The following TMC1 variants were observed in gnomAD, a reference collection of about 807,000 sequenced individuals.
TMC1 encodes the protein transmembrane channel like 1, also known as transmembrane channel-like protein 1.
In TMC1, 84 loss-of-function variants were observed where a neutral mutation model predicts 105.8. The ratio of observed to expected loss-of-function variants is 0.79; its 90% confidence interval spans 0.67 to 0.95. The LOEUF (loss-of-function observed/expected upper bound fraction) is 0.95. Among genes scored for constraint, TMC1 ranks in the 40% least tolerant of loss-of-function variants. The pLI is 0.00. For missense variants in TMC1, 817 were observed against 914.1 expected (o/e 0.89, Z 1.37); for synonymous variants, 315 against 311.5 (o/e 1.01, Z -0.12).
intron 5 of TMC1, among the ~76,000 whole-genome samples, chr9:72,650,383 G>A (rs1389984429): frequency 1.3e-5 from 2 of 152,136 alleles, no homozygotes; most frequent in East Asian, 1.9e-4. Flanking sequence ...TTATGTGCCA[G>A]GTTCTGTACA....
intron 1 of TMC1, among the ~76,000 whole-genome samples, chr9:72,539,105 G>A (rs1243389909): frequency 1.3e-5 from 2 of 152,028 alleles, no homozygotes; most frequent in Non-Finnish European, 2.9e-5. Flanking sequence ...CTGCTGCTGG[G>A]CATGGTGACT....
At chr9:72,544,767 A>G (rs1183886900) in intron 1 of TMC1, among the ~76,000 whole-genome samples, 1 of 145,378 alleles carries the variant, frequency 6.9e-6, no homozygotes, top group South Asian at 2.2e-4. Flanking sequence ...GGCATGAGCC[A>G]GCGCTCCCAG....
At chr9:72,726,554 C>T (rs540734240) in intron 8 of TMC1, among the ~76,000 whole-genome samples, 1 of 152,098 alleles carries the variant, frequency 6.6e-6, no homozygotes, top group African/African-American at 2.4e-5. Context: ...GCTGTGTTCC[C>T]CAATTGCTTA....
chr9:72,675,086 CATGCACACACACACAT>C (rs912077946), intron 5 of TMC1, among the ~76,000 whole-genome samples: 2 of 152,140 alleles, frequency 1.3e-5, no homozygotes, highest in Non-Finnish European at 1.5e-5. Flanking sequence ...TTCTCTCTCT[CATGCACACACACACAT>C]ATGCACACAT....
chr9:72,559,287 G>A (rs1468355611), intron 1 of TMC1, among the ~76,000 whole-genome samples: 3 of 152,042 alleles, frequency 2.0e-5, no homozygotes, highest in Non-Finnish European at 4.4e-5. Flanking sequence ...GTACAGATGG[G>A]TTTTCACCAT....
intron 20 of TMC1, 42 bp downstream of exon 20, chr9:72,821,123 C>T (rs760552145): frequency 8.7e-6 from 14 of 1,613,560 alleles, no homozygotes; most frequent in Admixed American, 3.3e-5. Flanking sequence ...CGTGTTCTTT[C>T]GGGGGTGGAG....
chr9:72,702,148 A>G (rs532225900), intron 8 of TMC1, among the ~76,000 whole-genome samples: 124 of 152,308 alleles, frequency 8.1e-4, no homozygotes, highest in African/African-American at 2.4e-3. Flanking sequence ...AATGACCCAT[A>G]AAGTCCCCAA....
At chr9:72,709,292 A>G (rs1182114030) in intron 8 of TMC1, among the ~76,000 whole-genome samples, 2 of 152,066 alleles carry the variant, frequency 1.3e-5, no homozygotes, top group Non-Finnish European at 2.9e-5. Context: ...TTTTGCATCT[A>G]TGTTCATCAG....
chr9:72,548,057 A>C (rs1823801771), intron 1 of TMC1, among the ~76,000 whole-genome samples: 1 of 152,164 alleles, frequency 6.6e-6, no homozygotes, highest in East Asian at 1.9e-4. Flanking sequence ...TACCTTCGCA[A>C]CCAAAAGGCT....
intron 10 of TMC1, among the ~76,000 whole-genome samples, chr9:72,751,492 A>G (rs1054017881): frequency 5.9e-5 from 9 of 152,230 alleles, no homozygotes; most frequent in Admixed American, 2.0e-4. Context: ...ACCTTTACAT[A>G]TATTTGCTCA....
chr9:72,669,271 T>G (rs193172329), intron 5 of TMC1, among the ~76,000 whole-genome samples: 35 of 152,202 alleles, frequency 2.3e-4, no homozygotes, highest in Non-Finnish European at 2.5e-4. Context: ...ATTGCACCAC[T>G]GCACTCCAGC....
At chr9:72,795,384 G>C (rs1480007835) in intron 17 of TMC1, among the ~76,000 whole-genome samples, 3 of 152,048 alleles carry the variant, frequency 2.0e-5, no homozygotes, top group Non-Finnish European at 4.4e-5. Flanking sequence ...AAATGTTAAA[G>C]ACAGCCAGAG....
At position 72,831,149 on chromosome 9, in the gene TMC1, C is replaced by G. The variant is rs543330186; in HGVS notation, c.2260+467C>G. On this transcript the variant is annotated intron_variant, in intron 23 of 23. Coordinates refer to ENST00000297784, the MANE Select transcript of TMC1 (RefSeq NM_138691.3). ...CATTAAACTTTCTTTTTTTAAAAACCTCTTTATTTTTTAAAGTATTAGAGT... is the reference window on the plus strand; with the variant it reads ...CATTAAACTTTCTTTTTTTAAAAACGTCTTTATTTTTTAAAGTATTAGAGT... 2.0e-4 allele frequency among the ~76,000 whole-genome samples: 31 copies of G among 152,136 alleles called. 1 individual carries two copies. Among genetic ancestry groups the G allele is most frequent in the African/African-American group, 7.5e-4 (31 of 41,516 alleles).
chr9:72,584,139 G>C (rs937925646), intron 2 of TMC1, among the ~76,000 whole-genome samples: 2 of 152,172 alleles, frequency 1.3e-5, no homozygotes, highest in Non-Finnish European at 2.9e-5. Context: ...ACTTGATGTA[G>C]GGGTACAGGG....
intron 4 of TMC1, among the ~76,000 whole-genome samples, chr9:72,644,633 T>C (rs1159892380): frequency 6.6e-6 from 1 of 152,204 alleles, no homozygotes; most frequent in Admixed American, 6.5e-5. Flanking sequence ...ATGCCAATGC[T>C]ACACTGTCCT....
chr9:72,779,659 A>C (rs1295177709), intron 13 of TMC1, among the ~76,000 whole-genome samples: 1 of 152,226 alleles, frequency 6.6e-6, no homozygotes, highest in Non-Finnish European at 1.5e-5. Flanking sequence ...TGAGGAAAGA[A>C]TCTCAGAGCT....
At chr9:72,760,524 G>C (rs75932132) in intron 12 of TMC1, among the ~76,000 whole-genome samples, 1 of 152,022 alleles carries the variant, frequency 6.6e-6, no homozygotes, top group African/African-American at 2.4e-5. Context: ...AGAGTTTGGG[G>C]TGTGTGTGAC....
At chr9:72,767,253 T>C (rs1008390470) in intron 12 of TMC1, among the ~76,000 whole-genome samples, 3 of 152,200 alleles carry the variant, frequency 2.0e-5, no homozygotes, top group Admixed American at 6.5e-5. Flanking sequence ...CCTACCAGTT[T>C]TACTTTATAC....
intron 23 of TMC1, 36 bp from the exon 24 acceptor site, chr9:72,835,915 G>GTTTTTTTTTTTCTTT: frequency 7.6e-7 from 1 of 1,314,682 alleles, no homozygotes; most frequent in East Asian, 2.6e-5. Flanking sequence ...CTCTCTCCTT[G>GTTTTTTTTTTTCTTT]TTTTTTTTTT....
Sources: gnomAD v4.1 joint callset for allele counts (sites outside exome capture counted in the v4.1 genomes callset) on GRCh38, gnomAD v4.1.1 for gene constraint, MANE v1.5 for transcripts, NCBI Gene and HGNC (gene_info 2026-07-23, HGNC 2026-07-21) for gene names.